Variants in PRAMEF4 observed in about 807,000 individuals in gnomAD.
The protein encoded by PRAMEF4 is PRAME family member 4.
PRAMEF4 carries 18 observed loss-of-function variants against 34.4 expected under a neutral mutation model. The ratio of observed to expected loss-of-function variants is 0.52; its 90% CI spans 0.36 to 0.78. The LOEUF is 0.78. Ranked by LOEUF, PRAMEF4 falls within the 30% of genes least tolerant of loss-of-function variation. The pLI, the probability that PRAMEF4 is intolerant of heterozygous loss-of-function variation, is 0.00. For synonymous variants in PRAMEF4, 156 were observed against 219.3 expected, an observed-to-expected ratio of 0.71 and a Z score of 2.55; for missense variants, 482 against 569.1, an observed-to-expected ratio of 0.85 and a Z score of 1.56.
intron 1 of PRAMEF4, 95 bp from the exon 2 acceptor site, chr1:12,883,505 T>A: frequency 6.6e-7 from 1 of 1,504,922 alleles, no homozygotes; most frequent in South Asian, 1.2e-5. Flanking sequence ...GCTCTGGCAA[T>A]GGTGAAAGAG....
rs765018906 is a variant in PRAMEF4 at position 12,882,073 on chromosome 1, A to G, written c.656T>C (p.Val219Ala). 1 of 1,588,772 alleles carries G rather than the reference A, an allele frequency of 6.3e-7. No homozygotes were observed. The highest frequency in any genetic ancestry group is 2.2e-5 in the East Asian group (1 of 44,446). Residue 219 changes from valine to alanine, a missense_variant, in exon 3 of 4, where the codon GTA becomes GCA. Coordinates refer to ENST00000235349, the MANE Select transcript of PRAMEF4 (RefSeq NM_001009611.4). ...GGTAAACTGTGTCAGGATGGGCAGT[A>G]CCCACTTGCAATTCACTTCCACCTC... ...IQEVEVNCKW[V>A]LPILTQFTPY...
Position 12,883,578 on chromosome 1 carries a change from C to T in PRAMEF4, c.-16-168G>A, listed in dbSNP as rs573544465. On this transcript the variant is annotated intron_variant, in intron 1 of 3. Transcript: ENST00000235349. Reference sequence around the variant, plus strand: ...CCATTAAGCCAGCATTCTGCCTCTGCTGCATCAGCATGAGCGTCTCCGAAG... The same window carrying T: ...CCATTAAGCCAGCATTCTGCCTCTGTTGCATCAGCATGAGCGTCTCCGAAG... Among the ~76,000 whole-genome samples, 155 of 149,270 alleles carry T rather than the reference C, an allele frequency of 1.0e-3. 9 individuals carry two copies. Among genetic ancestry groups the T allele is most frequent in the African/African-American group, 3.7e-3 (151 of 40,478 alleles).
At position 12,881,989 on chromosome 1, in the gene PRAMEF4, G is replaced by C. The variant is rs767484014; in HGVS notation, c.740C>G (p.Ser247Cys). 4.4e-6 allele frequency: 7 copies of C among 1,589,136 alleles called. No individual in the cohort carries two copies. Among genetic ancestry groups the C allele is most frequent in the Non-Finnish European group, 6.0e-6 (7 of 1,173,472 alleles). The change falls in exon 3 of 4, where the codon TCT becomes TGT. Residue 247 changes from serine to cysteine, a missense_variant. Ser to Cys is a moderately radical substitution (Grantham distance 112, BLOSUM62 -1). Around this residue, in one of 6 missense-constraint regions of PRAMEF4, gnomAD observed 81 missense variants for 73.1 expected, o/e 1.11. Transcript: ENST00000235349. Reference protein sequence around the residue: ...QKLILSHMDVSRYVSPEQKKE... With the variant: ...QKLILSHMDVCRYVSPEQKKE... ...CTTCTGCTCTGGGGAAACGTAGCGA[G>C]AGACATCCATGTGGGAGAGAATGAG... is the stretch of plus-strand genomic sequence containing the variant.
At chr1:12,880,939 G>C (rs1403525306) in intron 3 of PRAMEF4, among the ~76,000 whole-genome samples, 2 of 147,060 alleles carry the variant, frequency 1.4e-5, no homozygotes, top group East Asian at 3.9e-4. Context: ...TTACAACAGG[G>C]AATTAGAGAT....
chr1:12,881,342 G>C (rs1255606249), intron 3 of PRAMEF4, among the ~76,000 whole-genome samples: 2 of 148,660 alleles, frequency 1.3e-5, no homozygotes, highest in Non-Finnish European at 3.0e-5. Flanking sequence ...CTGTAGCCTA[G>C]ACGATCAAAG....
chr1:12,884,464 G>C lies in PRAMEF4; in HGVS notation c.-16-1054C>G, dbSNP rs567013707. Among the ~76,000 whole-genome samples the C allele has an allele frequency of 2.0e-5, 3 of 149,368 alleles. No individual in the cohort carries two copies. In the East Asian group the frequency reaches 5.9e-4, roughly 29 times the overall value. On this transcript the variant is annotated intron_variant, in intron 1 of 3. Coordinates refer to ENST00000235349, the MANE Select transcript of PRAMEF4 (RefSeq NM_001009611.4). ...GTGCAGTGACTCACACCTGTAATCT[G>C]AGCATTTTGTGAGGCCGAGGCAGGT...
rs1047453556 is a variant in PRAMEF4 at position 12,882,416 on chromosome 1, G to T, written c.313C>A (p.Leu105Met). The change falls in exon 3 of 4, where the codon CTG becomes ATG. Residue 105 changes from leucine to methionine, a missense_variant. By Grantham distance (15) the Leu-to-Met change is conservative (BLOSUM62 2). Coordinates refer to ENST00000235349, the MANE Select transcript of PRAMEF4 (RefSeq NM_001009611.4). The part of the protein sequence containing the change: ...VRPRRWKLQV[L>M]DLQDVCENFW... The stretch of plus-strand genomic sequence containing the variant: ...TTCTCACAGACATCCTGTAAATCCA[G>T]CACTTGAAGTTTCCACCTCCTGTGG... The T allele has an allele frequency of 1.3e-6, 2 of 1,588,610 alleles. No individual in the cohort carries two copies. The highest frequency in any genetic ancestry group is 1.4e-5 in the African/African-American group (1 of 72,016).
chr1:12,881,201 A>G (rs1336626047), intron 3 of PRAMEF4, among the ~76,000 whole-genome samples: 2 of 147,564 alleles, frequency 1.4e-5, no homozygotes, highest in Non-Finnish European at 3.0e-5. Flanking sequence ...CCCTGTCTCT[A>G]CTTAAAATAT....
At chr1:12,885,314 G>A (rs1342615032) in intron 1 of PRAMEF4, among the ~76,000 whole-genome samples, 1 of 149,992 alleles carries the variant, frequency 6.7e-6, no homozygotes, top group Admixed American at 6.8e-5. Context: ...GGGTGGAAGA[G>A]GATGTGATTG....
intron 3 of PRAMEF4, among the ~76,000 whole-genome samples, chr1:12,880,969 A>T (rs763264330): frequency 6.8e-6 from 1 of 147,620 alleles, no homozygotes; most frequent in Non-Finnish European, 1.5e-5. Context: ...CATGTTCACC[A>T]AACTGTGGGG....
rs145911043 is a variant in PRAMEF4 at position 12,882,295 on chromosome 1, C to T, written c.434G>A (p.Gly145Glu). ...KPVEDCPRMK[G>E]RQPLTVFVEL... ...TACGAACACAGTCAAGGGCTGCCGT[C>T]CTTTCATCCTTGGACAGTCCTCCAC... Residue 145 changes from glycine to glutamate, a missense_variant, in exon 3 of 4, where the codon GGA becomes GAA. Coordinates refer to ENST00000235349, the MANE Select transcript of PRAMEF4 (RefSeq NM_001009611.4). 3.6e-5 allele frequency: 53 copies of T among 1,486,174 alleles called. 8 individuals are homozygous for T. Among genetic ancestry groups the T allele is most frequent in the Non-Finnish European group, 4.8e-5 (52 of 1,092,768 alleles). 92.1% of individuals were successfully genotyped at this position (1,486,174 alleles called of 1,614,324 possible).
At chr1:12,882,837 G>A (rs1477573906) in intron 2 of PRAMEF4, among the ~76,000 whole-genome samples, 1 of 147,682 alleles carries the variant, frequency 6.8e-6, no homozygotes, top group South Asian at 2.2e-4. Context: ...CTCCCAATGT[G>A]CTGGGAATAC....
rs1454659020 is a variant in PRAMEF4, at chr1:12,883,308, G to A, written c.87C>T (p.Thr29=). 1.3e-6 allele frequency: 2 copies of A among 1,599,956 alleles called. No individual in the cohort carries two copies. Among genetic ancestry groups the A allele is most frequent in the South Asian group, 1.1e-5 (1 of 90,198 alleles). The stretch of plus-strand genomic sequence containing the variant: ...AAAGTTCTGTGGGCAGCTCCTCCAG[G>A]GTGGACATGGCCAAAGCTTGGTCCC... ...LLRDQALAMS[T]LEELPTELFP... Residue 29 remains threonine (T), a synonymous_variant, in exon 2 of 4, where the codon ACC becomes ACT. Coordinates refer to ENST00000235349, the MANE Select transcript of PRAMEF4 (RefSeq NM_001009611.4).
rs1322845480 is a variant in PRAMEF4, at chr1:12,882,054, CTG to C, written c.673_674del (p.Gln225ValfsTer80). 1.9e-6 allele frequency: 3 copies of C among 1,590,120 alleles called. No individual in the cohort carries two copies. Among genetic ancestry groups the C allele is most frequent in the Non-Finnish European group, 8.5e-7 (1 of 1,173,614 alleles). ...TCATGTGGCCCAGGTATGGGGTAAACTGTGTCAGGATGGGCAGTACCCACTTG... is the reference window on the plus strand; with the variant it reads ...TCATGTGGCCCAGGTATGGGGTAAACTGTCAGGATGGGCAGTACCCACTTG... Reference protein sequence around the residue: ...NCKWVLPILTQFTPYLGHMRN... With the variant: ...NCKWVLPILTXFTPYLGHMRN... On this transcript the variant is annotated frameshift_variant, in exon 3 of 4. Transcript: ENST00000235349. LOFTEE classifies it high-confidence loss of function.
Position 12,883,988 on chromosome 1 carries a change from ATTCTCTCTCTCT to A in PRAMEF4, c.-16-590_-16-579del, listed in dbSNP as rs1169185504. Among the ~76,000 whole-genome samples, 162 of 119,062 alleles carry A rather than the reference ATTCTCTCTCTCT, an allele frequency of 1.4e-3. 6 individuals carry two copies. Among genetic ancestry groups the A allele is most frequent in the Non-Finnish European group, 1.9e-3 (117 of 60,044 alleles). 78.1% of individuals were successfully genotyped at this position (119,062 alleles called of 152,430 possible). A position where few individuals can be genotyped will look rare whatever the true frequency, so the allele number is the denominator to read the frequency against. ...CTTCTTTCCCTGCCTCCCTTCTCTCATTCTCTCTCTCTTTCTCTCTCTCCCTCTCTCACTCTT... is the reference window on the plus strand; with the variant it reads ...CTTCTTTCCCTGCCTCCCTTCTCTCATTCTCTCTCTCCCTCTCTCACTCTT... On this transcript the variant is annotated intron_variant, in intron 1 of 3. Transcript: ENST00000235349.
At position 12,883,107 on chromosome 1, in the gene PRAMEF4, ACGAACCCC is replaced by A. The variant is rs1188227412; in HGVS notation, c.280_287del (p.Gly94SerfsTer16). ...GCCCACCTGGGCCACCTCACCTGGGACGAACCCCTAGGTTAAGCAGTGCATCCAGCCCA... is the reference window on the plus strand; with the variant it reads ...GCCCACCTGGGCCACCTCACCTGGGATAGGTTAAGCAGTGCATCCAGCCCA... On this transcript the variant is annotated frameshift_variant, in exon 2 of 4. Transcript: ENST00000235349. LOFTEE classifies it high-confidence loss of function. The A allele has an allele frequency of 6.2e-7, 1 of 1,601,010 alleles. No homozygotes were observed. Among genetic ancestry groups the A allele is most frequent in the East Asian group, 2.3e-5 (1 of 44,322 alleles).
At chr1:12,881,211 T>C (rs1264426277) in intron 3 of PRAMEF4, among the ~76,000 whole-genome samples, 1 of 147,328 alleles carries the variant, frequency 6.8e-6, no homozygotes, top group Non-Finnish European at 1.5e-5. Context: ...ACTTAAAATA[T>C]AAAAATTAGC....
At position 12,883,380 on chromosome 1, in the gene PRAMEF4, G is replaced by A. The variant is rs760046520; in HGVS notation, c.15C>T (p.Ile5=). The A allele has an allele frequency of 1.9e-6, 3 of 1,600,886 alleles. No homozygotes were observed. The South Asian group carries it at 3.3e-5, about 18-fold the overall frequency. MKMS[I]WTPPRLLELA... The stretch of plus-strand genomic sequence containing the variant: ...GCTCCAGGAGTCTGGGTGGAGTCCA[G>A]ATGCTCATCTTCATGAATCTGCAGG... Residue 5 remains isoleucine, a synonymous_variant, in exon 2 of 4, where the codon ATC becomes ATT. Transcript: ENST00000235349.
At chr1:12,881,258 C>G (rs755990539) in intron 3 of PRAMEF4, among the ~76,000 whole-genome samples, 5 of 148,148 alleles carry the variant, frequency 3.4e-5, no homozygotes, top group South Asian at 4.3e-4. Flanking sequence ...CCCAGGCACT[C>G]AGGAGGCTGA....
Sources: allele counts gnomAD v4.1 joint callset (sites outside exome capture counted in the v4.1 genomes callset), GRCh38; gene constraint gnomAD v4.1.1; regional missense constraint gnomAD v4.1.1; transcripts MANE v1.5; gene names NCBI Gene and HGNC (gene_info 2026-07-23, HGNC 2026-07-21).